Variants in COL6A5 observed in about 807,000 individuals in gnomAD.
COL6A5 encodes the protein collagen type VI alpha 5 chain.
In COL6A5, 48 loss-of-function variants were observed where a neutral mutation model predicts 65.6. That is an observed-to-expected ratio of 0.73 (90% CI 0.58 to 0.93). The LOEUF (loss-of-function observed/expected upper bound fraction) is 0.93. Ranked by LOEUF, COL6A5 falls within the 40% of genes least tolerant of loss-of-function variation. The pLI is 0.00. For missense variants in COL6A5, 914 were observed against 928.3 expected (o/e 0.98, Z 0.20); for synonymous variants, 291 against 322.8 (o/e 0.90, Z 1.05).
intron 2 of COL6A5, 82 bp downstream of exon 34, chr3:130,439,697 G>T: frequency 1.1e-6 from 1 of 947,100 alleles, no homozygotes; most frequent in Non-Finnish European, 1.6e-6. Context: ...TTTATCCAGA[G>T]ATTTCTATTT....
At chr3:130,434,336 T>C (rs1937953158) in intron 1 of COL6A5, among the ~76,000 whole-genome samples, 1 of 152,256 alleles carries the variant, frequency 6.6e-6, no homozygotes, top group African/African-American at 2.4e-5. Context: ...CAGTCTATCA[T>C]TGATGGGCAT....
intron 4 of COL6A5, among the ~76,000 whole-genome samples, chr3:130,452,261 C>T (rs941227440): frequency 6.6e-6 from 1 of 151,644 alleles, no homozygotes; most frequent in Admixed American, 6.6e-5. Flanking sequence ...GAATCGGGTT[C>T]CCTCATGCAC....
chr3:130,423,306 A>G lies in COL6A5; in HGVS notation c.5100+524A>G, dbSNP rs149081298. 5.4e-3 allele frequency among the ~76,000 whole-genome samples: 822 copies of G among 152,250 alleles called. 11 individuals are homozygous for G. Among genetic ancestry groups the G allele is most frequent in the African/African-American group, 0.019 (795 of 41,566 alleles). The stretch of plus-strand genomic sequence containing the variant: ...TACTTAGAAGCAAAATGCTGAGACA[A>G]GCATCCTTTCATTTTAAAGTTTGAG... On this transcript the variant is annotated intron_variant and NMD_transcript_variant, in intron 28 of 41. Transcript: ENST00000312481.
chr3:130,463,408 C>T (rs1709744922), intron 5 of COL6A5, among the ~76,000 whole-genome samples: 1 of 152,070 alleles, frequency 6.6e-6, no homozygotes, highest in Non-Finnish European at 1.5e-5. Flanking sequence ...AGCCTGACAG[C>T]ATATCTAATC....
chr3:130,375,790 T>C (rs1935745423), intron 2 of COL6A5, among the ~76,000 whole-genome samples: 1 of 152,026 alleles, frequency 6.6e-6, no homozygotes, highest in Admixed American at 6.6e-5. Context: ...GGAAAAGCCA[T>C]GAGAACTCAT....
At chr3:130,373,805 A>G (rs1935654114) in intron 2 of COL6A5, 100 bp downstream of exon 2, 1 of 775,040 alleles carries the variant, frequency 1.3e-6, no homozygotes, top group Non-Finnish European at 2.1e-6. Flanking sequence ...TAAAAATCAA[A>G]GTATGCAGCA....
chr3:130,460,679 A>T (rs1357285457), intron 5 of COL6A5, among the ~76,000 whole-genome samples: 1 of 151,892 alleles, frequency 6.6e-6, no homozygotes, highest in East Asian at 1.9e-4. Flanking sequence ...AGTAGTGAAG[A>T]TGATGGTAGT....
chr3:130,400,909 A>G, intron 10 of COL6A5, 122 bp from the exon 11 acceptor site: 2 of 775,464 alleles, frequency 2.6e-6, no homozygotes, highest in Non-Finnish European at 1.9e-6. Context: ...CCTTCCTCTT[A>G]TGTTTGTTTT....
chr3:130,405,736 T>A, intron 14 of COL6A5, 77 bp downstream of exon 14: 1 of 1,191,140 alleles, frequency 8.4e-7, no homozygotes, highest in South Asian at 1.4e-5. Context: ...CTTTCCTCCC[T>A]CATTTTCTCT....
chr3:130,365,482 T>A (rs912778716), intron 1 of COL6A5, among the ~76,000 whole-genome samples: 11 of 152,176 alleles, frequency 7.2e-5, no homozygotes, highest in African/African-American at 2.7e-4. Context: ...TTTCACCGTT[T>A]TAGCCGGGAT....
chr3:130,376,259 TGTC>T, exon 3 of COL6A5: 2 of 1,607,968 alleles, frequency 1.2e-6, no homozygotes, highest in Non-Finnish European at 8.5e-7. Context: ...TGTATGCAGA[TGTC>T]GTGTTTCTGG....
At chr3:130,374,956 G>A (rs1332122337) in intron 2 of COL6A5, among the ~76,000 whole-genome samples, 1 of 152,196 alleles carries the variant, frequency 6.6e-6, no homozygotes, top group Non-Finnish European at 1.5e-5. Flanking sequence ...ATCATTCAAA[G>A]AAGTATTTTA....
intron 12 of COL6A5, among the ~76,000 whole-genome samples, chr3:130,402,865 G>A (rs1232614142): frequency 1.3e-5 from 2 of 152,022 alleles, no homozygotes; most frequent in Non-Finnish European, 2.9e-5. Context: ...TACAAATGAA[G>A]TTTTTCTTTA....
chr3:130,368,973 G>A (rs939264834), intron 1 of COL6A5, among the ~76,000 whole-genome samples: 14 of 152,180 alleles, frequency 9.2e-5, no homozygotes, highest in African/African-American at 1.9e-4. Context: ...TCAGGTGGGA[G>A]TGCATGGATG....
intron 7 of COL6A5, among the ~76,000 whole-genome samples, chr3:130,482,643 C>T (rs1267578626): frequency 6.6e-6 from 1 of 152,048 alleles, no homozygotes; most frequent in Non-Finnish European, 1.5e-5. Context: ...GTCAGTATGG[C>T]CATTTTCACG....
At chr3:130,389,866 CAT>C (rs1936332222) in intron 6 of COL6A5, among the ~76,000 whole-genome samples, 1 of 152,122 alleles carries the variant, frequency 6.6e-6, no homozygotes, top group Non-Finnish European at 1.5e-5. Context: ...TTAAATCTAT[CAT>C]GTGCTATTTT....
At chr3:130,424,993 C>G (rs1244331579) in intron 29 of COL6A5, among the ~76,000 whole-genome samples, 1 of 152,120 alleles carries the variant, frequency 6.6e-6, no homozygotes, top group Non-Finnish European at 1.5e-5. Flanking sequence ...AGGGCTCGCT[C>G]TTTCAGGACA....
At chr3:130,472,611 C>A (rs1709979998) in intron 7 of COL6A5, among the ~76,000 whole-genome samples, 1 of 151,702 alleles carries the variant, frequency 6.6e-6, no homozygotes, top group Non-Finnish European at 1.5e-5. Context: ...TCCAGTGACC[C>A]AGTAATTTTA....
At chr3:130,397,903 A>G (rs1267679473) in exon 9 of COL6A5, 1 of 1,550,800 alleles carries the variant, frequency 6.4e-7, no homozygotes, top group South Asian at 1.2e-5. Context: ...ATTTAAGGAT[A>G]AATCTGCATC....
Sources: gnomAD v4.1 joint callset for allele counts (sites outside exome capture counted in the v4.1 genomes callset) on GRCh38, gnomAD v4.1.1 for gene constraint, MANE v1.5 for transcripts, NCBI Gene and HGNC (gene_info 2026-07-23, HGNC 2026-07-21) for gene names.